Variants in CNTNAP5 observed in about 807,000 individuals in gnomAD.
CNTNAP5 encodes the protein contactin-associated protein-like 5.
CNTNAP5 carries 72 observed loss-of-function variants against 150.2 expected under a neutral mutation model. The ratio of observed to expected loss-of-function variants is 0.48; its 90% CI spans 0.40 to 0.58. The LOEUF is 0.58. Among genes scored for constraint, CNTNAP5 ranks in the 20% least tolerant of loss-of-function variants. The pLI, the probability that CNTNAP5 is intolerant of heterozygous loss-of-function variation, is 0.00. For synonymous variants in CNTNAP5, 672 were observed against 619.8 expected (o/e 1.08, Z -1.25); for missense variants, 1,636 against 1,626.2 (o/e 1.01, Z -0.10).
chr2:124,259,276 G>C (rs1004455336), intron 3 of CNTNAP5, among the ~76,000 whole-genome samples: 2 of 152,052 alleles, frequency 1.3e-5, no homozygotes, highest in African/African-American at 4.8e-5. Context: ...ATCTGGATTG[G>C]TTCCAAGTCT....
chr2:124,689,048 A>T (rs17011877), intron 13 of CNTNAP5, among the ~76,000 whole-genome samples: 36,659 of 152,070 alleles, frequency 0.24, 5,052 homozygotes, highest in African/African-American at 0.38. Flanking sequence ...AATGAACACA[A>T]CAACCCCTGC....
intron 18 of CNTNAP5, among the ~76,000 whole-genome samples, chr2:124,795,094 T>C (rs1422156203): frequency 1.3e-5 from 2 of 152,228 alleles, no homozygotes; most frequent in Non-Finnish European, 2.9e-5. Context: ...ATTCTACTAC[T>C]ATTATTAAAA....
At chr2:124,419,946 TTC>T (rs1692048055) in intron 4 of CNTNAP5, among the ~76,000 whole-genome samples, 6 of 126,844 alleles carry the variant, frequency 4.7e-5, no homozygotes, top group Non-Finnish European at 4.8e-5. Flanking sequence ...CTTTCTTTCT[TTC>T]TTTCTTTCCT....
chr2:124,903,090 T>C lies in CNTNAP5; in HGVS notation c.3645T>C (p.His1215=). 6.4e-7 allele frequency: 1 copy of C among 1,569,798 alleles called. No homozygotes were observed. The highest frequency in any genetic ancestry group is 2.3e-5 in the East Asian group (1 of 42,748). ...DSDVNAVTTV[H]SSSDPFGKTD... ...ATGTGAATGCAGTGACCACGGTGCA[T>C]TCTTCATCAGGTACACTCAAGAGCA... Residue 1215 remains histidine (H), a synonymous_variant, in exon 22 of 24, where the codon CAT becomes CAC. Transcript: ENST00000682447.
At chr2:124,588,284 C>A (rs12618619) in intron 11 of CNTNAP5, among the ~76,000 whole-genome samples, 74,147 of 149,234 alleles carry the variant, frequency 0.5, 18,818 homozygotes, top group East Asian at 0.72. Flanking sequence ...TACAATGCTT[C>A]TGAAATTTTA....
rs1422904047 is a variant in CNTNAP5, at chr2:124,865,419, A to G, written c.3331A>G (p.Arg1111Gly). The change falls in exon 20 of 24, where the codon AGA becomes GGA. Residue 1111 changes from arginine (R) to glycine (G), a missense_variant. Physicochemically the swap from Arg to Gly is moderately radical, Grantham distance 125 (BLOSUM62 -2). Transcript: ENST00000682447. ...MHHLKINREGRELTIQMDQQL... is the reference protein window; with the variant it reads ...MHHLKINREGGELTIQMDQQL... Reference sequence around the variant, plus strand: ...CCACTTGAAGATTAACCGAGAGGGAAGAGAGCTTACCATTCAGGTACCTTC... The same window carrying G: ...CCACTTGAAGATTAACCGAGAGGGAGGAGAGCTTACCATTCAGGTACCTTC... 8 of 1,551,678 alleles carry G rather than the reference A, an allele frequency of 5.2e-6. No homozygotes were observed. The highest frequency in any genetic ancestry group is 7.0e-6 in the Non-Finnish European group (8 of 1,146,934).
chr2:124,554,211 G>A (rs898380208), intron 10 of CNTNAP5, among the ~76,000 whole-genome samples: 6 of 151,772 alleles, frequency 4.0e-5, no homozygotes, highest in Non-Finnish European at 7.4e-5. Context: ...AGTTATTTAA[G>A]TACCTTCAAA....
intron 1 of CNTNAP5, among the ~76,000 whole-genome samples, chr2:124,081,317 C>T (rs753917227): frequency 1.3e-5 from 2 of 152,160 alleles, no homozygotes; most frequent in Non-Finnish European, 2.9e-5. Flanking sequence ...ATTTGTCTCA[C>T]CTAACAGCCC....
At chr2:124,396,834 C>T (rs76285585) in intron 3 of CNTNAP5, among the ~76,000 whole-genome samples, 5,913 of 152,204 alleles carry the variant, frequency 0.039, 125 homozygotes, top group East Asian at 0.1. Flanking sequence ...ATAACGATAA[C>T]GATAACAACT....
At chr2:124,553,571 A>T (rs1695682386) in intron 10 of CNTNAP5, among the ~76,000 whole-genome samples, 1 of 152,164 alleles carries the variant, frequency 6.6e-6, no homozygotes, top group South Asian at 2.1e-4. Flanking sequence ...TCTCAAAAAA[A>T]AGAATGCAAA....
In CNTNAP5 at chr2:124,813,399, CT is replaced by C. The variant is rs531665963; in HGVS notation, c.3217+15086del. On this transcript the variant is annotated intron_variant, in intron 19 of 23. Transcript: ENST00000682447. ...GCCTGTTTTTTTTTTCTTTTTTTTT[CT>C]TTTTTTGAAGAAAAGATATACCCTC... 7.0e-5 allele frequency among the ~76,000 whole-genome samples: 10 copies of C among 143,060 alleles called. No individual in the cohort carries two copies. In the East Asian group the frequency reaches 2.0e-3, roughly 29 times the overall value. The allele number at this position is 143,060 out of a possible 152,430, so 93.9% of individuals were successfully genotyped here.
intron 1 of CNTNAP5, among the ~76,000 whole-genome samples, chr2:124,038,442 C>A (rs573030743): frequency 2.6e-5 from 4 of 152,174 alleles, no homozygotes; most frequent in Admixed American, 6.5e-5. Flanking sequence ...ATGTCCAGTG[C>A]CTTACAGTCT....
chr2:124,921,048 T>C lies in CNTNAP5; in HGVS notation c.*6760T>C, dbSNP rs1678861128. 6.6e-6 allele frequency among the ~76,000 whole-genome samples: 1 copy of C among 152,168 alleles called. No homozygotes were observed. The highest frequency in any genetic ancestry group is 2.4e-5 in the African/African-American group (1 of 41,452). The stretch of plus-strand genomic sequence containing the variant: ...CCAAGTGATGTTGCCTCATTCCAAG[T>C]CAGTTTTGTAGACCATGTAACATGT... On this transcript the variant is annotated 3_prime_UTR_variant, in exon 24 of 24. Coordinates refer to ENST00000682447, the MANE Select transcript of CNTNAP5 (RefSeq NM_001367498.1).
intron 3 of CNTNAP5, among the ~76,000 whole-genome samples, chr2:124,309,977 T>C (rs1252672211): frequency 4.6e-5 from 7 of 152,144 alleles, no homozygotes; most frequent in Admixed American, 4.6e-4. Context: ...TGTGCTTCCG[T>C]ATAGCAATGG....
chr2:124,371,349 G>A (rs914355450), intron 3 of CNTNAP5, among the ~76,000 whole-genome samples: 8 of 152,128 alleles, frequency 5.3e-5, no homozygotes, highest in African/African-American at 1.9e-4. Flanking sequence ...ACCAAAGTAT[G>A]TAACAAGGGA....
intron 6 of CNTNAP5, among the ~76,000 whole-genome samples, chr2:124,449,918 T>G (rs1448968863): frequency 6.6e-6 from 1 of 152,144 alleles, no homozygotes; most frequent in Non-Finnish European, 1.5e-5. Context: ...GCAGAAACCC[T>G]GTGTTCTACT....
chr2:124,143,054 A>G (rs1464283369), intron 1 of CNTNAP5, among the ~76,000 whole-genome samples: 29 of 34,582 alleles, frequency 8.4e-4, no homozygotes, highest in African/African-American at 3.5e-3. Context: ...AAATGGATAC[A>G]TTCCTCGACA....
intron 13 of CNTNAP5, among the ~76,000 whole-genome samples, chr2:124,652,465 A>G (rs910832832): frequency 6.6e-6 from 1 of 152,182 alleles, no homozygotes; most frequent in African/African-American, 2.4e-5. Context: ...CAGCACCTTC[A>G]TAGGCATTTT....
intron 7 of CNTNAP5, among the ~76,000 whole-genome samples, chr2:124,484,571 A>G (rs1693828737): frequency 6.6e-6 from 1 of 152,238 alleles, no homozygotes; most frequent in African/African-American, 2.4e-5. Flanking sequence ...ATAGGCATTG[A>G]ATCACTAAGA....
Sources: gnomAD v4.1 joint callset for allele counts (sites outside exome capture counted in the v4.1 genomes callset) on GRCh38, gnomAD v4.1.1 for gene constraint, MANE v1.5 for transcripts, NCBI Gene and HGNC (gene_info 2026-07-23, HGNC 2026-07-21) for gene names.